CADM2: variants seen among roughly 807,000 people sequenced by gnomAD.
CADM2 encodes the protein immunoglobulin superfamily member 4D.
Under a neutral mutation model 49.8 loss-of-function variants are expected in CADM2, and 12 were observed. The observed-to-expected ratio is 0.24, with a 90% CI of 0.15 to 0.39. The LOEUF is 0.39. Among genes scored for constraint, CADM2 ranks in the 10% least tolerant of loss-of-function variants. CADM2 has a pLI of 1.00. For missense variants in CADM2, 378 were observed against 492.3 expected, an observed-to-expected ratio of 0.77 and a Z score of 2.20; for synonymous variants, 214 against 175.4, an observed-to-expected ratio of 1.22 and a Z score of -1.74.
At chr3:85,996,605 G>A (rs1474189071) in intron 8 of CADM2, among the ~76,000 whole-genome samples, 2 of 151,800 alleles carry the variant, frequency 1.3e-5, no homozygotes, top group African/African-American at 2.4e-5. Flanking sequence ...AATGTGCAGA[G>A]GTGTTACTAA....
intron 1 of CADM2, among the ~76,000 whole-genome samples, chr3:85,334,043 G>T (rs1294473785): frequency 6.6e-6 from 1 of 151,570 alleles, no homozygotes; most frequent in Non-Finnish European, 1.5e-5. Flanking sequence ...TGAAATAAGT[G>T]TATATTAACT....
chr3:85,723,309 G>T (rs1480804055), intron 1 of CADM2, among the ~76,000 whole-genome samples: 1 of 152,054 alleles, frequency 6.6e-6, no homozygotes, highest in Non-Finnish European at 1.5e-5. Flanking sequence ...CTTTAATTCT[G>T]TTCTGTTTAT....
chr3:85,484,207 C>T (rs1456805528), intron 1 of CADM2, among the ~76,000 whole-genome samples: 3 of 151,842 alleles, frequency 2.0e-5, no homozygotes, highest in African/African-American at 7.2e-5. Context: ...TGAATGAATT[C>T]TTAGATATTA....
chr3:85,887,602 G>T (rs772313008), intron 5 of CADM2, among the ~76,000 whole-genome samples: 4 of 151,760 alleles, frequency 2.6e-5, no homozygotes, highest in South Asian at 2.1e-4. Flanking sequence ...TGATCACTAC[G>T]CTTGCCTTAG....
At chr3:85,965,857 G>T (rs541433108) in intron 8 of CADM2, among the ~76,000 whole-genome samples, 8 of 151,650 alleles carry the variant, frequency 5.3e-5, no homozygotes, top group African/African-American at 1.9e-4. Context: ...TTTTGTGATT[G>T]GAAGCAATGC....
At position 85,787,967 on chromosome 3, in the gene CADM2, T is replaced by C. The variant is rs192070952; in HGVS notation, c.89-14080T>C. Among the ~76,000 whole-genome samples the C allele has an allele frequency of 3.2e-3, 493 of 152,270 alleles. 4 individuals are homozygous for C. The highest frequency in any genetic ancestry group is 5.4e-3 in the Non-Finnish European group (368 of 67,988). ...CTTTTGCATTAGCTGATTTACTTTT[T>C]GGAATACTGGCCCTGGTGTCTAACA... is the stretch of plus-strand genomic sequence containing the variant. On this transcript the variant is annotated intron_variant, in intron 2 of 9. Coordinates refer to ENST00000383699, the MANE Select transcript of CADM2 (RefSeq NM_001167675.2).
Position 86,072,446 on chromosome 3 carries a change from A to G in CADM2, c.*5663A>G, listed in dbSNP as rs1703337890. 3.3e-5 allele frequency: 5 copies of G among 152,034 alleles called. No homozygotes were observed. The highest frequency in any genetic ancestry group is 9.7e-5 in the African/African-American group (4 of 41,436). 9.4% of individuals were successfully genotyped at this position (152,034 alleles called of 1,614,324 possible). On this transcript the variant is annotated 3_prime_UTR_variant, in exon 10 of 10. Coordinates refer to ENST00000383699, the MANE Select transcript of CADM2 (RefSeq NM_001167675.2). ...AAAAAACACTATTTTCCCCTACGAA[A>G]TATACTGTATATTTCAAAAGAAGAA...
intron 1 of CADM2, among the ~76,000 whole-genome samples, chr3:84,979,943 G>A (rs1369701925): frequency 2.0e-5 from 3 of 152,108 alleles, no homozygotes; most frequent in Admixed American, 6.6e-5. Context: ...GTTTGCACAT[G>A]TAACTAATCC....
chr3:85,278,712 A>T (rs1050588983), intron 1 of CADM2, among the ~76,000 whole-genome samples: 4 of 116,448 alleles, frequency 3.4e-5, no homozygotes, highest in Non-Finnish European at 5.2e-5. Context: ...CTCACTGCTG[A>T]TGTTCTTGTG....
intron 1 of CADM2, among the ~76,000 whole-genome samples, chr3:85,354,713 A>C (rs1203379899): frequency 6.6e-6 from 1 of 150,942 alleles, no homozygotes; most frequent in South Asian, 2.1e-4. Flanking sequence ...GATGTTCATA[A>C]ATTTGGAAAG....
At chr3:85,481,515 G>A (rs529690773) in intron 1 of CADM2, among the ~76,000 whole-genome samples, 1 of 151,686 alleles carries the variant, frequency 6.6e-6, no homozygotes, top group African/African-American at 2.4e-5. Context: ...AGAAAAGCTG[G>A]AATGATTTCA....
At position 85,886,171 on chromosome 3, in the gene CADM2, T is replaced by G. The variant is rs1369172575; in HGVS notation, c.392-19T>G. On this transcript the variant is annotated intron_variant, in intron 4 of 9. Coordinates refer to ENST00000383699, the MANE Select transcript of CADM2 (RefSeq NM_001167675.2). ...ACCCTGAAGATTGATGCTCACTTCA[T>G]CATTCGCTTAAATTTCAGGTGTTCC... The G allele has an allele frequency of 6.2e-7, 1 of 1,611,864 alleles. No individual in the cohort carries two copies. The highest frequency in any genetic ancestry group is 1.1e-5 in the South Asian group (1 of 90,876).
chr3:85,818,027 G>A (rs77257248), intron 3 of CADM2, among the ~76,000 whole-genome samples: 11,013 of 152,108 alleles, frequency 0.072, 428 homozygotes, highest in South Asian at 0.11. Flanking sequence ...TATCTAGGAA[G>A]TTGAGATCTT....
chr3:84,975,621 T>C (rs1390645404), intron 1 of CADM2, among the ~76,000 whole-genome samples: 2 of 151,828 alleles, frequency 1.3e-5, no homozygotes, highest in African/African-American at 4.8e-5. Context: ...ATTTCTCACA[T>C]AATAAATCCC....
chr3:85,454,313 AG>A (rs2037890687), intron 1 of CADM2, among the ~76,000 whole-genome samples: 2 of 152,224 alleles, frequency 1.3e-5, no homozygotes, highest in African/African-American at 4.8e-5. Flanking sequence ...CCTGGGCAAC[AG>A]AGTGAGACTC....
chr3:86,027,097 C>A (rs1733989066), intron 8 of CADM2, among the ~76,000 whole-genome samples: 1 of 152,048 alleles, frequency 6.6e-6, no homozygotes, highest in African/African-American at 2.4e-5. Context: ...ATTAACAATT[C>A]TAGTAACAGG....
chr3:86,056,953 T>C (rs530277345), intron 8 of CADM2, among the ~76,000 whole-genome samples: 1 of 152,322 alleles, frequency 6.6e-6, no homozygotes, highest in South Asian at 2.1e-4. Flanking sequence ...CTTTAACCCG[T>C]CATTGAAAAT....
chr3:85,088,954 A>G (rs2037490139), intron 1 of CADM2, among the ~76,000 whole-genome samples: 1 of 152,086 alleles, frequency 6.6e-6, no homozygotes, highest in African/African-American at 2.4e-5. Flanking sequence ...TTTAGTAGGC[A>G]CGGGAAGTAT....
At chr3:85,981,346 AT>A (rs1727463832) in intron 8 of CADM2, among the ~76,000 whole-genome samples, 1 of 151,358 alleles carries the variant, frequency 6.6e-6, no homozygotes, top group South Asian at 2.1e-4. Context: ...GGTCTATTGC[AT>A]TTTTTTTCCT....
Sources: allele counts gnomAD v4.1 joint callset (sites outside exome capture counted in the v4.1 genomes callset), GRCh38; gene constraint gnomAD v4.1.1; transcripts MANE v1.5; gene names NCBI Gene and HGNC (gene_info 2026-07-23, HGNC 2026-07-21).